The following KIF13B variants were observed in gnomAD, a reference collection of about 807,000 sequenced individuals.
KIF13B encodes the protein kinesin-like protein KIF13B.
A neutral mutation model predicts 222.0 loss-of-function variants in KIF13B; 127 were observed. That is an observed-to-expected ratio of 0.57 (90% CI 0.50 to 0.66). The LOEUF (loss-of-function observed/expected upper bound fraction) is 0.66. Ranked by LOEUF, KIF13B falls within the 30% of genes least tolerant of loss-of-function variation. KIF13B has a pLI of 0.00. For missense variants in KIF13B, 2,173 were observed against 2,379.0 expected, an observed-to-expected ratio of 0.91 and a Z score of 1.80; for synonymous variants, 976 against 919.0, an observed-to-expected ratio of 1.06 and a Z score of -1.12.
At chr8:29,162,326 C>T (rs372294532) in intron 12 of KIF13B, among the ~76,000 whole-genome samples, 1 of 152,200 alleles carries the variant, frequency 6.6e-6, no homozygotes, top group East Asian at 1.9e-4. Flanking sequence ...ACAATCACTG[C>T]AACTCAGCCA....
At position 29,142,234 on chromosome 8, in the gene KIF13B, A is replaced by G. The variant is rs759994526; in HGVS notation, c.2257T>C (p.Leu753=). 1.9e-6 allele frequency: 3 copies of G among 1,613,814 alleles called. No individual in the cohort carries two copies. The highest frequency in any genetic ancestry group is 2.5e-6 in the Non-Finnish European group (3 of 1,179,780). Residue 753 remains leucine (L), a synonymous_variant, in exon 19 of 40, where the codon TTG becomes CTG. Coordinates refer to ENST00000524189, the MANE Select transcript of KIF13B (RefSeq NM_015254.4). ...RKGKGKQIWS[L]EKLDNRLLDM... ...AACAGCCTGTTGTCCAGTTTTTCCA[A>G]AGACCAAATCTGCTTTCCTTTTCCT...
intron 15 of KIF13B, among the ~76,000 whole-genome samples, chr8:29,149,622 C>T (rs1323971345): frequency 6.6e-6 from 1 of 152,204 alleles, no homozygotes; most frequent in Non-Finnish European, 1.5e-5. Flanking sequence ...GAAGACTTCT[C>T]TGTTTTTTTG....
intron 14 of KIF13B, among the ~76,000 whole-genome samples, chr8:29,154,670 G>A (rs1229031979): frequency 1.3e-5 from 2 of 152,306 alleles, no homozygotes; most frequent in East Asian, 3.9e-4. Flanking sequence ...CAGTGACCAT[G>A]TTTTCATCTG....
chr8:29,181,807 A>G, intron 7 of KIF13B, 112 bp downstream of exon 7: 1 of 589,876 alleles, frequency 1.7e-6, no homozygotes. Context: ...GTGATTTATT[A>G]AGTGATGCTA....
At chr8:29,195,996 C>T (rs1038492327) in intron 3 of KIF13B, among the ~76,000 whole-genome samples, 191 bp downstream of exon 3, 3 of 152,244 alleles carry the variant, frequency 2.0e-5, no homozygotes, top group South Asian at 2.1e-4. Context: ...AGTGCAAATA[C>T]AGCTTTTCCA....
At chr8:29,253,735 A>T (rs1218272363) in intron 1 of KIF13B, among the ~76,000 whole-genome samples, 3 of 150,872 alleles carry the variant, frequency 2.0e-5, no homozygotes, top group Admixed American at 2.0e-4. Flanking sequence ...GAGGCTGAGA[A>T]AGGAGAACTG....
intron 2 of KIF13B, among the ~76,000 whole-genome samples, chr8:29,200,323 T>G (rs1422068259): frequency 1.3e-5 from 2 of 152,198 alleles, no homozygotes; most frequent in African/African-American, 4.8e-5. Context: ...ATCCCTTAAT[T>G]AGAAACCTCA....
At chr8:29,194,999 G>A (rs1813353299) in intron 3 of KIF13B, among the ~76,000 whole-genome samples, 1 of 152,138 alleles carries the variant, frequency 6.6e-6, no homozygotes, top group South Asian at 2.1e-4. Context: ...TGTAATCCCA[G>A]CACTTTGGGA....
intron 3 of KIF13B, among the ~76,000 whole-genome samples, chr8:29,193,609 C>T (rs1303604908): frequency 6.6e-6 from 1 of 152,228 alleles, no homozygotes; most frequent in African/African-American, 2.4e-5. Context: ...TGTATACAGT[C>T]ATCCCTCAGT....
chr8:29,102,146 G>A (rs1222111406), intron 35 of KIF13B, among the ~76,000 whole-genome samples: 1 of 151,996 alleles, frequency 6.6e-6, no homozygotes, highest in Non-Finnish European at 1.5e-5. Context: ...ACTTCACAGG[G>A]AGATGAACTC....
At chr8:29,105,323 C>A (rs568449248) in intron 35 of KIF13B, among the ~76,000 whole-genome samples, 15 of 152,256 alleles carry the variant, frequency 9.9e-5, no homozygotes, top group African/African-American at 3.6e-4. Flanking sequence ...ACACAGCAAC[C>A]TGGTTCATCC....
intron 2 of KIF13B, among the ~76,000 whole-genome samples, chr8:29,233,080 C>G (rs146145655): frequency 1.3e-5 from 2 of 152,126 alleles, no homozygotes; most frequent in Non-Finnish European, 2.9e-5. Context: ...CACTTGAACC[C>G]GAGAGGTGGA....
intron 35 of KIF13B, among the ~76,000 whole-genome samples, chr8:29,105,420 G>C (rs986863117): frequency 7.2e-5 from 11 of 152,218 alleles, no homozygotes; most frequent in African/African-American, 2.6e-4. Flanking sequence ...TCATCCTTCA[G>C]GGGGAGGCTT....
chr8:29,124,563 C>T (rs1810025129), intron 26 of KIF13B, among the ~76,000 whole-genome samples: 1 of 151,760 alleles, frequency 6.6e-6, no homozygotes, highest in Non-Finnish European at 1.5e-5. Context: ...GCCTGGCTAA[C>T]ACAGCGAAAC....
chr8:29,180,539 T>C (rs1055089796), intron 7 of KIF13B, among the ~76,000 whole-genome samples: 3 of 152,120 alleles, frequency 2.0e-5, no homozygotes, highest in Non-Finnish European at 2.9e-5. Flanking sequence ...TCATCTAATA[T>C]AGAAATTTGA....
intron 18 of KIF13B, among the ~76,000 whole-genome samples, chr8:29,142,577 C>T (rs539704263): frequency 3.3e-5 from 5 of 152,074 alleles, no homozygotes; most frequent in African/African-American, 4.8e-5. Context: ...TGGTGGTTCA[C>T]GCCTGTAATC....
intron 31 of KIF13B, among the ~76,000 whole-genome samples, chr8:29,115,763 C>T (rs892275585): frequency 6.6e-6 from 1 of 152,186 alleles, no homozygotes; most frequent in African/African-American, 2.4e-5. Flanking sequence ...TCGCGGTCCC[C>T]GATCCTGCCC....
rs1469015622 is a variant in KIF13B at position 29,116,927 on chromosome 8, C to A, written c.3741G>T (p.Leu1247Phe). The part of the protein sequence containing the change: ...LSRGTPVDER[L>F]FLIVRVTVQL... The stretch of plus-strand genomic sequence containing the variant: ...GGACCGTCACGCGCACGATCAGGAA[C>A]AACCGCTCGTCCACGGGCGTGCCCC... Residue 1247 changes from leucine (L) to phenylalanine (F), a missense_variant, in exon 31 of 40, where the codon TTG (leucine) becomes TTT (phenylalanine). By Grantham distance (22) the Leu-to-Phe change is conservative (BLOSUM62 0). Transcript: ENST00000524189. 2.5e-6 allele frequency: 4 copies of A among 1,613,410 alleles called. No homozygotes were observed. The highest frequency in any genetic ancestry group is 2.5e-6 in the Non-Finnish European group (3 of 1,179,480).
rs761012989 is a variant in KIF13B at position 29,072,089 on chromosome 8, G to A, written c.4749C>T (p.Gly1583=). Residue 1583 remains glycine, a synonymous_variant, in exon 39 of 40, where the codon GGC becomes GGT. Transcript: ENST00000524189. The part of the protein sequence containing the change: ...VSTATLSDAL[G]PGLDAAAPPG... ...GCGGGGCCGCAGCGTCCAGGCCGGG[G>A]CCCAGGGCGTCCGACAGGGTCGCGG... The A allele has an allele frequency of 3.0e-6, 4 of 1,348,042 alleles. No individual in the cohort carries two copies. Among genetic ancestry groups the A allele is most frequent in the Admixed American group, 3.9e-5 (1 of 25,652 alleles). 83.5% of individuals were successfully genotyped at this position (1,348,042 alleles called of 1,614,324 possible). A position where few individuals can be genotyped will look rare whatever the true frequency, so the allele number is the denominator to read the frequency against.
Sources: allele counts gnomAD v4.1 joint callset (sites outside exome capture counted in the v4.1 genomes callset), GRCh38; gene constraint gnomAD v4.1.1; transcripts MANE v1.5; gene names NCBI Gene and HGNC (gene_info 2026-07-23, HGNC 2026-07-21).